The following ROBO1 variants were observed in gnomAD, a reference collection of about 807,000 sequenced individuals.
The protein encoded by ROBO1 is roundabout guidance receptor 1, also known as roundabout homolog 1.
Under a neutral mutation model 195.9 loss-of-function variants are expected in ROBO1, and 149 were observed. The observed-to-expected ratio is 0.76, with a 90% CI of 0.67 to 0.87. The LOEUF is 0.87. ROBO1 is among the 40% of genes least tolerant of loss of function. The pLI is 0.00. For missense variants in ROBO1, 1,933 were observed against 2,068.3 expected, an observed-to-expected ratio of 0.93 and a Z score of 1.27; for synonymous variants, 816 against 733.2, an observed-to-expected ratio of 1.11 and a Z score of -1.82.
chr3:79,511,021 A>T (rs532674511), intron 2 of ROBO1, among the ~76,000 whole-genome samples: 1 of 152,264 alleles, frequency 6.6e-6, no homozygotes, highest in East Asian at 1.9e-4. Context: ...TTTTAATTTC[A>T]CAAATTTGTG....
At chr3:78,869,838 T>C (rs1411523116) in intron 4 of ROBO1, among the ~76,000 whole-genome samples, 2 of 152,166 alleles carry the variant, frequency 1.3e-5, no homozygotes, top group Non-Finnish European at 2.9e-5. Flanking sequence ...CTTCACTGAA[T>C]TGTTCTGTGG....
At chr3:79,099,851 T>C (rs543551371) in intron 3 of ROBO1, among the ~76,000 whole-genome samples, 2 of 151,708 alleles carry the variant, frequency 1.3e-5, no homozygotes, top group Admixed American at 6.6e-5. Flanking sequence ...TTTAACTGGG[T>C]ATGATGTGTT....
At chr3:79,017,494 T>TGTGTGTGTGTGTGTG (rs1553659458) in intron 3 of ROBO1, among the ~76,000 whole-genome samples, 3 of 149,948 alleles carry the variant, frequency 2.0e-5, no homozygotes, top group African/African-American at 2.5e-5. Flanking sequence ...TGTGTGTGTG[T>TGTGTGTGTGTGTGTG]TTTAAAGCCT....
chr3:78,632,080 G>T (rs558884362), intron 24 of ROBO1, among the ~76,000 whole-genome samples: 136 of 152,128 alleles, frequency 8.9e-4, no homozygotes, highest in African/African-American at 3.1e-3. Flanking sequence ...AATATTTTGG[G>T]ACAAAATATC....
At chr3:79,447,033 G>A (rs1426439472) in intron 2 of ROBO1, among the ~76,000 whole-genome samples, 1 of 151,450 alleles carries the variant, frequency 6.6e-6, no homozygotes, top group Non-Finnish European at 1.5e-5. Flanking sequence ...GTTTCACCAT[G>A]TTGGCCAGTC....
chr3:79,719,983 A>G (rs565705410), intron 1 of ROBO1, among the ~76,000 whole-genome samples: 79 of 152,360 alleles, frequency 5.2e-4, no homozygotes, highest in African/African-American at 1.8e-3. Flanking sequence ...AATAAAGGTT[A>G]CAAATGTGTA....
In ROBO1 at chr3:78,967,849, TA is replaced by T. The variant is rs530636975; in HGVS notation, c.173-28923del. Among the ~76,000 whole-genome samples the T allele has an allele frequency of 2.6e-4, 40 of 152,188 alleles. No homozygotes were observed. The South Asian group carries it at 8.1e-3, about 31-fold the overall frequency. On this transcript the variant is annotated intron_variant, in intron 3 of 30. Coordinates refer to ENST00000464233, the MANE Select transcript of ROBO1 (RefSeq NM_002941.4). Reference sequence around the variant, plus strand: ...TTAGGGTGAAATTAAATGGTATCTTTAAAAAAAGAAAGGCAAAGAGAAATAT... The same window carrying T: ...TTAGGGTGAAATTAAATGGTATCTTTAAAAAAGAAAGGCAAAGAGAAATAT...
chr3:79,089,491 G>A (rs1278763333), intron 3 of ROBO1, among the ~76,000 whole-genome samples: 1 of 152,092 alleles, frequency 6.6e-6, no homozygotes, highest in Non-Finnish European at 1.5e-5. Flanking sequence ...TACAAACAAC[G>A]TTTTAATGAA....
At chr3:78,676,562 AG>A (rs1442438890) in intron 10 of ROBO1, among the ~76,000 whole-genome samples, 5 of 152,214 alleles carry the variant, frequency 3.3e-5, no homozygotes, top group African/African-American at 1.2e-4. Context: ...ATCAACTGGA[AG>A]AAAGGGTATC....
intron 4 of ROBO1, among the ~76,000 whole-genome samples, chr3:78,824,437 A>C (rs960261457): frequency 2.0e-5 from 3 of 152,182 alleles, no homozygotes; most frequent in Non-Finnish European, 4.4e-5. Context: ...TGATTTTTGC[A>C]TTATTCAAGG....
chr3:79,332,504 C>G (rs1272786887), intron 2 of ROBO1, among the ~76,000 whole-genome samples: 1 of 152,202 alleles, frequency 6.6e-6, no homozygotes, highest in Non-Finnish European at 1.5e-5. Flanking sequence ...AGCTCTTCCA[C>G]TAGAATACAT....
At chr3:79,606,104 A>G (rs1944475137) in intron 1 of ROBO1, among the ~76,000 whole-genome samples, 1 of 151,580 alleles carries the variant, frequency 6.6e-6, no homozygotes, top group South Asian at 2.1e-4. Flanking sequence ...TTTTATGTCA[A>G]TAAGAGCTTT....
At chr3:79,756,036 G>C (rs1392613981) in intron 1 of ROBO1, among the ~76,000 whole-genome samples, 1 of 152,096 alleles carries the variant, frequency 6.6e-6, no homozygotes, top group Non-Finnish European at 1.5e-5. Flanking sequence ...CTCATATCCA[G>C]AATCACAATA....
rs528715940 is a variant in ROBO1 at position 78,911,052 on chromosome 3, G to A, written c.499+27549C>T. Among the ~76,000 whole-genome samples the A allele has an allele frequency of 7.9e-5, 12 of 152,090 alleles. No homozygotes were observed. The East Asian group carries it at 2.3e-3, about 29-fold the overall frequency. On this transcript the variant is annotated intron_variant, in intron 4 of 30. Coordinates refer to ENST00000464233, the MANE Select transcript of ROBO1 (RefSeq NM_002941.4). ...TCTAGACTTCAAGAAAACAGGGTTT[G>A]GGGTAATTATAACCTGAGGAGAAAA...
At chr3:79,633,433 G>T (rs559879250) in intron 1 of ROBO1, among the ~76,000 whole-genome samples, 1 of 150,770 alleles carries the variant, frequency 6.6e-6, no homozygotes, top group African/African-American at 2.4e-5. Context: ...CAAATGAGGA[G>T]GCTCAGCCTC....
At chr3:78,852,173 C>A (rs1265241130) in intron 4 of ROBO1, among the ~76,000 whole-genome samples, 2 of 151,926 alleles carry the variant, frequency 1.3e-5, no homozygotes, top group African/African-American at 4.8e-5. Context: ...TCCCTAAAGC[C>A]ATTTAGGGAT....
At chr3:79,703,286 T>C (rs1947671854) in intron 1 of ROBO1, among the ~76,000 whole-genome samples, 1 of 151,798 alleles carries the variant, frequency 6.6e-6, no homozygotes, top group African/African-American at 2.4e-5. Context: ...AATACATCCT[T>C]CTTTTCATTT....
chr3:79,065,250 A>G (rs1039986719), intron 3 of ROBO1, among the ~76,000 whole-genome samples: 4 of 151,998 alleles, frequency 2.6e-5, no homozygotes, highest in African/African-American at 9.7e-5. Context: ...TACAAAGCAT[A>G]TTAGCATTTA....
chr3:79,187,276 C>T (rs982135450), intron 2 of ROBO1, among the ~76,000 whole-genome samples: 2 of 151,984 alleles, frequency 1.3e-5, no homozygotes, highest in Non-Finnish European at 2.9e-5. Flanking sequence ...AGATGACCAT[C>T]TGGAAGAGAT....
Sources: gnomAD v4.1 joint callset for allele counts (sites outside exome capture counted in the v4.1 genomes callset) on GRCh38, gnomAD v4.1.1 for gene constraint, MANE v1.5 for transcripts, NCBI Gene and HGNC (gene_info 2026-07-23, HGNC 2026-07-21) for gene names.